CSMD1: variants seen among roughly 807,000 people sequenced by gnomAD.
CSMD1 encodes the protein CUB and Sushi multiple domains 1.
CSMD1 carries 213 observed loss-of-function variants against 417.5 expected under a neutral mutation model. The ratio of observed to expected loss-of-function variants is 0.51; its 90% confidence interval spans 0.46 to 0.57. The LOEUF is 0.57. Among genes scored for constraint, CSMD1 ranks in the 20% least tolerant of loss-of-function variants. CSMD1 has a pLI of 0.00. For missense variants in CSMD1, 6,923 were observed against 4,529.7 expected, an observed-to-expected ratio of 1.53 and a Z score of -15.17; for synonymous variants, 2,862 against 1,736.8, an observed-to-expected ratio of 1.65 and a Z score of -16.11.
intron 2 of CSMD1, among the ~76,000 whole-genome samples, chr8:4,585,098 G>GAA (rs148008422): frequency 7.2e-6 from 1 of 138,946 alleles, no homozygotes; most frequent in African/African-American, 2.6e-5. Flanking sequence ...CAAAAACTGA[G>GAA]AAAAAAAAAA....
intron 1 of CSMD1, among the ~76,000 whole-genome samples, chr8:4,979,604 C>G (rs1208317371): frequency 6.6e-6 from 1 of 152,150 alleles, no homozygotes; most frequent in Non-Finnish European, 1.5e-5. Context: ...ATTAAGAAAT[C>G]TAAAAATGCA....
intron 5 of CSMD1, among the ~76,000 whole-genome samples, chr8:3,805,064 G>C (rs117560327): frequency 1.3e-5 from 2 of 151,598 alleles, no homozygotes; most frequent in South Asian, 2.1e-4. Context: ...CTTAGGCACA[G>C]AGAATTAGAA....
chr8:4,097,716 A>T (rs571097009), intron 3 of CSMD1, among the ~76,000 whole-genome samples: 1 of 152,208 alleles, frequency 6.6e-6, no homozygotes, highest in Non-Finnish European at 1.5e-5. Flanking sequence ...AACATTCAAC[A>T]TAAGGTTAAT....
intron 3 of CSMD1, among the ~76,000 whole-genome samples, chr8:4,297,134 G>C (rs1035227309): frequency 2.0e-5 from 3 of 151,880 alleles, no homozygotes; most frequent in East Asian, 1.9e-4. Context: ...ATCTTAATTG[G>C]CATAAAAATA....
At position 3,365,752 on chromosome 8, in the gene CSMD1, AG is replaced by A. The variant is rs547535594; in HGVS notation, c.3115+1279del. On this transcript the variant is annotated intron_variant, in intron 20 of 69. Coordinates refer to ENST00000635120, the MANE Select transcript of CSMD1 (RefSeq NM_033225.6). ...TTTTGGGGCGTCAAGAGTTACCCTC[AG>A]GTTTTCCACTGTGTGGGGGTTGACA... 4.9e-4 allele frequency among the ~76,000 whole-genome samples: 74 copies of A among 152,324 alleles called. 1 individual carries two copies. The highest frequency in any genetic ancestry group is 2.2e-3 in the Admixed American group (34 of 15,296).
In CSMD1 at chr8:3,833,099, A is replaced by C. The variant is rs185876802; in HGVS notation, c.819-79057T>G. ...TCTGATTTTTATTTTTATTTTTTCA[A>C]AAACAACTTCCCACTACAGGGAGCA... On this transcript the variant is annotated intron_variant, in intron 5 of 69. Transcript: ENST00000635120. Among the ~76,000 whole-genome samples the C allele has an allele frequency of 4.0e-3, 605 of 152,244 alleles. 4 individuals are homozygous for C. The highest frequency in any genetic ancestry group is 0.014 in the African/African-American group (572 of 41,580).
chr8:3,619,075 C>G (rs1802289078), intron 7 of CSMD1, among the ~76,000 whole-genome samples: 1 of 151,446 alleles, frequency 6.6e-6, no homozygotes, highest in Admixed American at 6.6e-5. Flanking sequence ...CATGGGTACA[C>G]TGGGGTAAGG....
chr8:3,053,835 C>A (rs538675773), intron 49 of CSMD1, among the ~76,000 whole-genome samples: 2 of 152,104 alleles, frequency 1.3e-5, no homozygotes, highest in African/African-American at 4.8e-5. Context: ...AAGAAAAGTT[C>A]TATGGTAACT....
At chr8:4,880,186 G>A (rs866126686) in intron 1 of CSMD1, among the ~76,000 whole-genome samples, 4 of 151,936 alleles carry the variant, frequency 2.6e-5, no homozygotes, top group Middle Eastern at 3.2e-3. Context: ...TTCTCTTTCA[G>A]GAGAGAGTTA....
At chr8:4,037,629 T>C (rs1027695353) in intron 3 of CSMD1, among the ~76,000 whole-genome samples, 1 of 141,620 alleles carries the variant, frequency 7.1e-6, no homozygotes, top group South Asian at 2.3e-4. Flanking sequence ...CTTATATTTA[T>C]CAGGTGTGCT....
Position 3,371,340 on chromosome 8 carries a change from G to A in CSMD1, c.2783-1970C>T, listed in dbSNP as rs538151749. ...GCTTCCATGGCCTCACATGTAAAAT[G>A]GGGCAAAAATCACAGCTCATTCCTG... On this transcript the variant is annotated intron_variant, in intron 18 of 69. Coordinates refer to ENST00000635120, the MANE Select transcript of CSMD1 (RefSeq NM_033225.6). Among the ~76,000 whole-genome samples the A allele has an allele frequency of 5.3e-5, 8 of 152,240 alleles. No homozygotes were observed. The South Asian group carries it at 1.7e-3, about 32-fold the overall frequency.
intron 1 of CSMD1, among the ~76,000 whole-genome samples, chr8:4,653,723 T>A (rs1009543136): frequency 1.3e-5 from 2 of 151,956 alleles, no homozygotes; most frequent in African/African-American, 4.8e-5. Flanking sequence ...AAAGGAAATG[T>A]TGGAGGAAAA....
chr8:3,811,999 T>G (rs546937312), intron 5 of CSMD1, among the ~76,000 whole-genome samples: 13 of 152,074 alleles, frequency 8.5e-5, no homozygotes, highest in African/African-American at 2.7e-4. Flanking sequence ...ACAACCTAAT[T>G]CAAACCATTT....
intron 1 of CSMD1, among the ~76,000 whole-genome samples, chr8:4,787,083 T>TGATA (rs1326772300): frequency 3.9e-5 from 6 of 152,158 alleles, no homozygotes; most frequent in Non-Finnish European, 5.9e-5. Context: ...ATCTAATTAC[T>TGATA]GATAGCAGGG....
At chr8:4,525,104 C>A (rs1450310894) in intron 2 of CSMD1, among the ~76,000 whole-genome samples, 1 of 152,090 alleles carries the variant, frequency 6.6e-6, no homozygotes, top group Non-Finnish European at 1.5e-5. Flanking sequence ...GAAAGATGAT[C>A]CAGATCATAG....
chr8:4,044,329 A>G (rs950829886), intron 3 of CSMD1, among the ~76,000 whole-genome samples: 4 of 152,240 alleles, frequency 2.6e-5, no homozygotes, highest in South Asian at 2.1e-4. Context: ...ACACTTAAAA[A>G]TAACACAATG....
At position 4,118,601 on chromosome 8, in the gene CSMD1, G is replaced by A. The variant is rs73173884; in HGVS notation, c.416-86502C>T. Among the ~76,000 whole-genome samples, 459 of 152,282 alleles carry A rather than the reference G, an allele frequency of 3.0e-3. 3 individuals are homozygous for A. The highest frequency in any genetic ancestry group is 6.8e-3 in the Middle Eastern group (2 of 294). On this transcript the variant is annotated intron_variant, in intron 3 of 69. Coordinates refer to ENST00000635120, the MANE Select transcript of CSMD1 (RefSeq NM_033225.6). ...AAAAGTAAGGAAACAATAGATGCTG[G>A]CAAGGCTGTGGAGACTTAGGAACAC... is the stretch of plus-strand genomic sequence containing the variant.
intron 1 of CSMD1, among the ~76,000 whole-genome samples, chr8:4,711,947 C>T (rs1289691803): frequency 2.0e-5 from 3 of 152,252 alleles, no homozygotes; most frequent in East Asian, 1.9e-4. Context: ...CTACTGTGCA[C>T]ATCTCATTTG....
At chr8:4,369,781 C>T (rs886968887) in intron 3 of CSMD1, among the ~76,000 whole-genome samples, 1 of 152,090 alleles carries the variant, frequency 6.6e-6, no homozygotes, top group Non-Finnish European at 1.5e-5. Context: ...TTTCTGTTTG[C>T]CTGATAGATC....
Sources: allele counts gnomAD v4.1 joint callset (sites outside exome capture counted in the v4.1 genomes callset), GRCh38; gene constraint gnomAD v4.1.1; transcripts MANE v1.5; gene names NCBI Gene and HGNC (gene_info 2026-07-23, HGNC 2026-07-21).